Variants in SLAIN2 observed in about 807,000 individuals in gnomAD.
SLAIN2 encodes the protein SLAIN family member 2.
SLAIN2 carries 31 observed loss-of-function variants against 56.6 expected under a neutral mutation model. That is an observed-to-expected ratio of 0.55 (90% confidence interval 0.41 to 0.74). The LOEUF is 0.74. Among genes scored for constraint, SLAIN2 ranks in the 30% least tolerant of loss-of-function variants. The pLI, the probability that SLAIN2 is intolerant of heterozygous loss-of-function variation, is 0.00. For synonymous variants in SLAIN2, 317 were observed against 284.9 expected (o/e 1.11, Z -1.13); for missense variants, 777 against 754.2 (o/e 1.03, Z -0.35).
chr4:48,353,520 A>T (rs557760484), intron 1 of SLAIN2, among the ~76,000 whole-genome samples: 70 of 152,292 alleles, frequency 4.6e-4, no homozygotes, highest in African/African-American at 1.6e-3. Context: ...CTATGAACAA[A>T]GAATCCGTGG....
At chr4:48,408,612 AAG>A (rs918161583) in intron 6 of SLAIN2, among the ~76,000 whole-genome samples, 11 of 152,064 alleles carry the variant, frequency 7.2e-5, no homozygotes, top group African/African-American at 2.2e-4. Flanking sequence ...GATATAAAGA[AAG>A]AAAATATTTT....
intron 6 of SLAIN2, among the ~76,000 whole-genome samples, chr4:48,388,890 G>T (rs1716164898): frequency 6.6e-6 from 1 of 152,146 alleles, no homozygotes; most frequent in Non-Finnish European, 1.5e-5. Context: ...ATGGAATACA[G>T]AGTATACCCC....
At chr4:48,395,200 C>T (rs1402147386) in intron 6 of SLAIN2, among the ~76,000 whole-genome samples, 7 of 151,878 alleles carry the variant, frequency 4.6e-5, no homozygotes, top group African/African-American at 7.3e-5. Context: ...TTCCAAGACA[C>T]TGAATGTATG....
At chr4:48,411,719 C>T (rs1214670790) in intron 6 of SLAIN2, among the ~76,000 whole-genome samples, 1 of 152,120 alleles carries the variant, frequency 6.6e-6, no homozygotes, top group Non-Finnish European at 1.5e-5. Flanking sequence ...CTCTTGTACT[C>T]ACTCACTATT....
At chr4:48,404,561 A>G (rs932610977) in intron 6 of SLAIN2, among the ~76,000 whole-genome samples, 5 of 152,244 alleles carry the variant, frequency 3.3e-5, no homozygotes, top group African/African-American at 1.2e-4. Flanking sequence ...TTTGATATGT[A>G]AAATTTGGAG....
intron 7 of SLAIN2, 92 bp downstream of exon 7, chr4:48,420,535 A>G: frequency 7.1e-7 from 1 of 1,405,896 alleles, no homozygotes; most frequent in Non-Finnish European, 9.7e-7. Flanking sequence ...TTGATAGTAA[A>G]CAGAAAGTCA....
chr4:48,403,937 G>A (rs1396267843), intron 6 of SLAIN2, among the ~76,000 whole-genome samples: 2 of 152,178 alleles, frequency 1.3e-5, no homozygotes, highest in African/African-American at 4.8e-5. Context: ...GCAAAGATCC[G>A]TGGGAGAAGC....
At chr4:48,390,959 C>G (rs1343201642) in intron 6 of SLAIN2, among the ~76,000 whole-genome samples, 1 of 152,170 alleles carries the variant, frequency 6.6e-6, no homozygotes, top group Admixed American at 6.5e-5. Context: ...AGCAGAGATT[C>G]TTAAAATTCC....
chr4:48,369,989 C>G lies in SLAIN2; in HGVS notation c.530C>G (p.Thr177Ser), dbSNP rs775459038. 1.4e-5 allele frequency: 22 copies of G among 1,613,076 alleles called. No individual in the cohort carries two copies. The highest frequency in any genetic ancestry group is 1.9e-5 in the Non-Finnish European group (22 of 1,179,486). Residue 177 changes from threonine (T) to serine (S), a missense_variant, in exon 2 of 8, where the codon ACT (threonine) becomes AGT (serine). Physicochemically the swap from Thr to Ser is moderately conservative, Grantham distance 58. Coordinates refer to ENST00000264313, the MANE Select transcript of SLAIN2 (RefSeq NM_020846.2). ...KKSLIHKLDQ[T>S]MSALKRQNLY... ...TCTCTTATCCACAAACTTGATCAAA[C>G]TATGTCAGGTATGTCTATAATTTTG...
intron 6 of SLAIN2, among the ~76,000 whole-genome samples, chr4:48,397,310 A>G (rs1237466328): frequency 2.0e-5 from 3 of 152,304 alleles, no homozygotes; most frequent in South Asian, 2.1e-4. Context: ...CATGCGGCCA[A>G]CAAACATATG....
intron 6 of SLAIN2, among the ~76,000 whole-genome samples, chr4:48,390,909 A>T (rs547747041): frequency 2.0e-4 from 30 of 152,310 alleles, no homozygotes; most frequent in African/African-American, 6.5e-4. Context: ...TCATGAAGCA[A>T]CTGCTACACA....
In SLAIN2 at chr4:48,400,392, T is replaced by C. The variant is rs1488214114; in HGVS notation, c.1360+16608T>C. ...GATTGTGTCTGTTTGATTCTTCTTT[T>C]TTTTTTTTTTTTTTTTTTTTTTGAG... On this transcript the variant is annotated intron_variant, in intron 6 of 7. Transcript: ENST00000264313. 2.4e-3 allele frequency among the ~76,000 whole-genome samples: 54 copies of C among 22,756 alleles called. 1 individual carries two copies. The highest frequency in any genetic ancestry group is 5.3e-3 in the Non-Finnish European group (40 of 7,608). 14.9% of individuals were successfully genotyped at this position (22,756 alleles called of 152,430 possible).
intron 6 of SLAIN2, among the ~76,000 whole-genome samples, chr4:48,391,128 T>C (rs1378720721): frequency 1.3e-5 from 2 of 152,210 alleles, no homozygotes; most frequent in Non-Finnish European, 2.9e-5. Flanking sequence ...AATCCTTTCA[T>C]TGACTTTAAA....
chr4:48,342,166 G>C, intron 1 of SLAIN2, 38 bp downstream of exon 1: 2 of 1,329,630 alleles, frequency 1.5e-6, no homozygotes, highest in Non-Finnish European at 1.9e-6. Flanking sequence ...GGGCGGGGAC[G>C]GGCCCGGGGG....
intron 6 of SLAIN2, chr4:48,394,605 A>C (rs1463341828): frequency 1.3e-6 from 2 of 1,535,944 alleles, no homozygotes; most frequent in South Asian, 1.2e-5. Flanking sequence ...TTTGCCTCGC[A>C]CTTCCCTCAA....
intron 6 of SLAIN2, among the ~76,000 whole-genome samples, chr4:48,408,358 AC>A (rs1485432462): frequency 5.3e-5 from 8 of 151,874 alleles, no homozygotes; most frequent in African/African-American, 1.5e-4. Flanking sequence ...AAAAAAAAAA[AC>A]ACGACATTTC....
chr4:48,419,050 TTGGCTGTTACA>T (rs1717075713), intron 6 of SLAIN2, among the ~76,000 whole-genome samples: 1 of 152,212 alleles, frequency 6.6e-6, no homozygotes, highest in African/African-American at 2.4e-5. Context: ...TTTTCAGTCT[TTGGCTGTTACA>T]AAGTTGTAGT....
At chr4:48,355,480 C>T (rs1232553840) in intron 1 of SLAIN2, among the ~76,000 whole-genome samples, 1 of 152,130 alleles carries the variant, frequency 6.6e-6, no homozygotes, top group African/African-American at 2.4e-5. Context: ...ACTATTCCTT[C>T]TTCCCCCCAA....
At chr4:48,400,439 C>T (rs1041721173) in intron 6 of SLAIN2, among the ~76,000 whole-genome samples, 2 of 134,278 alleles carry the variant, frequency 1.5e-5, no homozygotes, top group Non-Finnish European at 3.1e-5. Flanking sequence ...CTCTGTCGCC[C>T]AGGCTGTAGT....
Sources: gnomAD v4.1 joint callset for allele counts (sites outside exome capture counted in the v4.1 genomes callset) on GRCh38, gnomAD v4.1.1 for gene constraint, MANE v1.5 for transcripts, NCBI Gene and HGNC (gene_info 2026-07-23, HGNC 2026-07-21) for gene names.